JAK3: variants seen among roughly 807,000 people sequenced by gnomAD.
JAK3 encodes tyrosine-protein kinase JAK3.
In JAK3, 88 loss-of-function variants were observed where a neutral mutation model predicts 120.8. The ratio of observed to expected loss-of-function variants is 0.73; its 90% CI spans 0.61 to 0.87. JAK3 has a LOEUF of 0.87. Among genes scored for constraint, JAK3 ranks in the 40% least tolerant of loss-of-function variants. The pLI, the probability that JAK3 is intolerant of heterozygous loss-of-function variation, is 0.00. For missense variants in JAK3, 1,254 were observed against 1,501.4 expected (o/e 0.84, Z 2.72); for synonymous variants, 592 against 628.6 (o/e 0.94, Z 0.87).
rs760856974 is a variant in JAK3 at position 17,827,717 on chromosome 19, T to TAAAAAAAAAAA, written c.3208-818_3208-808dup. 1.4e-4 allele frequency among the ~76,000 whole-genome samples: 11 copies of TAAAAAAAAAAA among 77,688 alleles called. 1 individual carries two copies. Among genetic ancestry groups the TAAAAAAAAAAA allele is most frequent in the African/African-American group, 4.2e-4 (7 of 16,784 alleles). 51.0% of individuals were successfully genotyped at this position (77,688 alleles called of 152,430 possible). On this transcript the variant is annotated intron_variant, in intron 23 of 23. Transcript: ENST00000458235. ...CAACATGGAGAAACCCCATCTTAAC[T>TAAAAAAAAAAA]AAAAAAAAAAAAAAAAAAAAAAAAA...
In JAK3 at chr19:17,843,942, A is replaced by C. The variant is rs1480761351; in HGVS notation, c.185-42T>G. The C allele has an allele frequency of 6.2e-7, 1 of 1,611,342 alleles. No individual in the cohort carries two copies. Among genetic ancestry groups the C allele is most frequent in the African/African-American group, 1.3e-5 (1 of 74,926 alleles). On this transcript the variant is annotated intron_variant, in intron 2 of 23. Coordinates refer to ENST00000458235, the MANE Select transcript of JAK3 (RefSeq NM_000215.4). The surrounding 1 kb of genome is among the most constrained non-coding windows in gnomAD (Gnocchi z 5.4). ...CATCAGCTCCCTCCTGAGTCACCCCATCTGTGCCCTTCAGGAGTGCCAGCA... is the reference window on the plus strand; with the variant it reads ...CATCAGCTCCCTCCTGAGTCACCCCCTCTGTGCCCTTCAGGAGTGCCAGCA...
At chr19:17,838,446 G>C in intron 10 of JAK3, 56 bp from the exon 11 acceptor site, 1 of 1,609,134 alleles carries the variant, frequency 6.2e-7, no homozygotes, top group Non-Finnish European at 8.5e-7. Context: ...AAGTCCCCAA[G>C]GGTTAGCTAA....
intron 13 of JAK3, among the ~76,000 whole-genome samples, chr19:17,836,374 C>T: frequency 6.6e-6 from 1 of 152,068 alleles, no homozygotes; most frequent in East Asian, 1.9e-4. Context: ...CCTCTGCCTC[C>T]CGGGTTCAAG....
In JAK3 at chr19:17,843,997, C is replaced by A; in HGVS notation, c.185-97G>T. The A allele has an allele frequency of 6.8e-7, 1 of 1,478,644 alleles. No homozygotes were observed. 91.6% of individuals were successfully genotyped at this position (1,478,644 alleles called of 1,614,324 possible). ...ACCCAACCGTCCAGATCCTTCCATA[C>A]CTCAAGGTATGACCAGCTGTTCCCT... On this transcript the variant is annotated intron_variant, in intron 2 of 23. Transcript: ENST00000458235. This position sits in a 1 kb window ranked among gnomAD's most constrained non-coding sequence, Gnocchi z 5.4.
Position 17,842,757 on chromosome 19 carries a change from G to T in JAK3, c.567-147C>A. ...CACACAGACTCTCATTCAGGGTCAG[G>T]TATGAGGACCGGACCTCAGAGTAGG... On this transcript the variant is annotated intron_variant, in intron 5 of 23. Transcript: ENST00000458235. This position sits in a 1 kb window ranked among gnomAD's most constrained non-coding sequence, Gnocchi z 6.4. The T allele has an allele frequency of 2.1e-6, 2 of 950,480 alleles. No individual in the cohort carries two copies. Among genetic ancestry groups the T allele is most frequent in the South Asian group, 1.7e-5 (1 of 59,704 alleles). The allele number at this position is 950,480 out of a possible 1,614,324, so 58.9% of individuals were successfully genotyped here.
At chr19:17,828,416 G>A (rs544113635) in intron 23 of JAK3, among the ~76,000 whole-genome samples, 3 of 151,572 alleles carry the variant, frequency 2.0e-5, no homozygotes, top group African/African-American at 4.9e-5. Flanking sequence ...TCACCACACC[G>A]GCTATTGCTT....
rs1353836408 is a variant in JAK3 at position 17,841,272 on chromosome 19, G to A, written c.1142+117C>T. The A allele has an allele frequency of 4.9e-6, 5 of 1,012,354 alleles. No individual in the cohort carries two copies. Among genetic ancestry groups the A allele is most frequent in the Non-Finnish European group, 7.2e-6 (5 of 693,942 alleles). The allele number at this position is 1,012,354 out of a possible 1,614,324, so 62.7% of individuals were successfully genotyped here. A position where few individuals can be genotyped will look rare whatever the true frequency, so the allele number is the denominator to read the frequency against. ...ACTGAGCGCTGACTGTGCGGCAGGT[G>A]TGGTTTGAAAACTTGACCCCTGTCC... is the stretch of plus-strand genomic sequence containing the variant. On this transcript the variant is annotated intron_variant, in intron 8 of 23. Coordinates refer to ENST00000458235, the MANE Select transcript of JAK3 (RefSeq NM_000215.4). This position sits in a 1 kb window ranked among gnomAD's most constrained non-coding sequence, Gnocchi z 4.1.
chr19:17,841,624 G>A lies in JAK3; in HGVS notation c.984+16C>T, dbSNP rs1287318775. On this transcript the variant is annotated intron_variant, in intron 7 of 23. Transcript: ENST00000458235. This position sits in a 1 kb window ranked among gnomAD's most constrained non-coding sequence, Gnocchi z 4.1. ...CCTCGGGGTAAGGCTGAAGGGGAGGGGAATCCTGCACCCACTAAAATCTGG... is the reference window on the plus strand; with the variant it reads ...CCTCGGGGTAAGGCTGAAGGGGAGGAGAATCCTGCACCCACTAAAATCTGG... The A allele has an allele frequency of 6.2e-7, 1 of 1,613,746 alleles. No individual in the cohort carries two copies. The highest frequency in any genetic ancestry group is 1.1e-5 in the South Asian group (1 of 91,078).
intron 8 of JAK3, among the ~76,000 whole-genome samples, 165 bp from the exon 9 acceptor site, chr19:17,840,506 G>A (rs1264569084): frequency 6.6e-6 from 1 of 152,118 alleles, no homozygotes; most frequent in Non-Finnish European, 1.5e-5. Context: ...GCTCACGCCT[G>A]TAATCCCAGC....
intron 13 of JAK3, chr19:17,836,578 T>C (rs2094224747): frequency 3.0e-6 from 1 of 335,464 alleles, no homozygotes; most frequent in African/African-American, 2.1e-5. Context: ...AGCCTCTGTA[T>C]CTCACTTCTA....
Position 17,839,679 on chromosome 19 carries a change from G to A in JAK3, c.1255-16C>T. The A allele has an allele frequency of 6.2e-7, 1 of 1,600,148 alleles. No individual in the cohort carries two copies. Among genetic ancestry groups the A allele is most frequent in the Non-Finnish European group, 8.5e-7 (1 of 1,173,008 alleles). On this transcript the variant is annotated splice_polypyrimidine_tract_variant and intron_variant, in intron 9 of 23. Coordinates refer to ENST00000458235, the MANE Select transcript of JAK3 (RefSeq NM_000215.4). ...CAAGGGGGTTCTGCAAAGAAGAGTG[G>A]CCCCTGAGTGGGACTGAGCGACAGA... is the stretch of plus-strand genomic sequence containing the variant.
rs1338485712 is a variant in JAK3 at position 17,835,213 on chromosome 19, C to T, written c.1917G>A (p.Glu639=). 6.2e-6 allele frequency: 10 copies of T among 1,613,828 alleles called. No homozygotes were observed. The South Asian group carries it at 8.8e-5, about 14-fold the overall frequency. Residue 639 remains glutamate, a splice_region_variant and synonymous_variant, in exon 15 of 24, where the codon GAG becomes GAA. Transcript: ENST00000458235. The part of the protein sequence containing the change: ...KQLAYALNYL[E]DKGLPHGNVS... ...CATTGCCATGGGGCAGGCCTTTGTC[C>T]TCCTAAGGGGGCCAGACACAGGAAA...
chr19:17,830,471 A>G, intron 22 of JAK3, 32 bp downstream of exon 22: 1 of 1,559,852 alleles, frequency 6.4e-7, no homozygotes, highest in East Asian at 2.3e-5. Context: ...TGGAGGGAGA[A>G]GAAGGCTGGG....
At chr19:17,837,812 C>T in intron 12 of JAK3, 120 bp downstream of exon 12, 1 of 1,421,566 alleles carries the variant, frequency 7.0e-7, no homozygotes, top group Non-Finnish European at 9.8e-7. Context: ...TCCCAAAGTG[C>T]TGGGATGACA....
chr19:17,846,535 C>A (rs2094252523), intron 1 of JAK3, among the ~76,000 whole-genome samples: 1 of 152,170 alleles, frequency 6.6e-6, no homozygotes, highest in African/African-American at 2.4e-5. Flanking sequence ...AAATCACACA[C>A]CATAGCCTCT....
At chr19:17,830,346 G>T in intron 22 of JAK3, 128 bp from the exon 23 acceptor site, 1 of 919,606 alleles carries the variant, frequency 1.1e-6, no homozygotes, top group Non-Finnish European at 1.7e-6. Context: ...CCGTGAAGGG[G>T]TCAGAAAGGT....
chr19:17,840,394 G>A (rs767599961), intron 8 of JAK3, 53 bp from the exon 9 acceptor site: 264 of 1,223,558 alleles, frequency 2.2e-4, no homozygotes, highest in Non-Finnish European at 3.0e-4. Context: ...GAAGAAGACA[G>A]AGAGACCTGG....
chr19:17,842,230 C>G lies in JAK3; in HGVS notation c.861+86G>C, dbSNP rs2094241155. ...CTTCCCCAAGTCTTTCGTTTTGGCTCCGCCCCACATCCCCTACCACTCTCC... is the reference window on the plus strand; with the variant it reads ...CTTCCCCAAGTCTTTCGTTTTGGCTGCGCCCCACATCCCCTACCACTCTCC... On this transcript the variant is annotated intron_variant, in intron 6 of 23. Coordinates refer to ENST00000458235, the MANE Select transcript of JAK3 (RefSeq NM_000215.4). This position sits in a 1 kb window ranked among gnomAD's most constrained non-coding sequence, Gnocchi z 6.4. 7 of 1,365,484 alleles carry G rather than the reference C, an allele frequency of 5.1e-6. No homozygotes were observed. Among genetic ancestry groups the G allele is most frequent in the Non-Finnish European group, 5.8e-6 (6 of 1,034,926 alleles). The allele number at this position is 1,365,484 out of a possible 1,614,324, so 84.6% of individuals were successfully genotyped here.
chr19:17,830,036 G>A (rs1440929283), intron 23 of JAK3, 72 bp downstream of exon 23: 1 of 1,105,432 alleles, frequency 9.0e-7, no homozygotes, highest in Non-Finnish European at 1.3e-6. Context: ...AGACTCAGGC[G>A]CCAGCTGGCT....
Sources: allele counts gnomAD v4.1 joint callset (sites outside exome capture counted in the v4.1 genomes callset), GRCh38; gene constraint gnomAD v4.1.1; non-coding constraint Gnocchi (gnomAD v3.1); transcripts MANE v1.5; gene names NCBI Gene and HGNC (gene_info 2026-07-23, HGNC 2026-07-21).